Variants in CR1L observed in about 807,000 individuals in gnomAD.
The protein encoded by CR1L is complement C3b/C4b receptor 1 like.
In CR1L, 59 loss-of-function variants were observed where a neutral mutation model predicts 62.3. The observed-to-expected ratio is 0.95, with a 90% CI of 0.77 to 1.18. CR1L has a LOEUF of 1.18. CR1L is among the 50% of genes most tolerant of loss of function. CR1L has a pLI of 0.00. For synonymous variants in CR1L, 279 were observed against 248.7 expected (o/e 1.12, Z -1.15); for missense variants, 700 against 702.8 (o/e 1.00, Z 0.04).
At chr1:207,682,394 T>A (rs1663813110) in intron 3 of CR1L, among the ~76,000 whole-genome samples, 1 of 151,948 alleles carries the variant, frequency 6.6e-6, no homozygotes, top group African/African-American at 2.4e-5. Flanking sequence ...ATCACTTGAA[T>A]CTGGGAGGTG....
chr1:207,698,093 AT>A (rs1162533397), intron 7 of CR1L, among the ~76,000 whole-genome samples: 13 of 152,188 alleles, frequency 8.5e-5, no homozygotes, highest in Admixed American at 5.2e-4. Context: ...TGGGCCATAT[AT>A]TAACTGGCAA....
At chr1:207,670,551 T>G (rs1363241489) in intron 1 of CR1L, among the ~76,000 whole-genome samples, 1 of 150,954 alleles carries the variant, frequency 6.6e-6, no homozygotes, top group Non-Finnish European at 1.5e-5. Flanking sequence ...TCACTTGAAG[T>G]GACAGTTTTG....
rs949605669 is a variant in CR1L at position 207,689,744 on chromosome 1, TTTGTTGTTG to T, written c.464-4600_464-4592del. 2.6e-5 allele frequency among the ~76,000 whole-genome samples: 4 copies of T among 151,784 alleles called. No homozygotes were observed. In the South Asian group the frequency reaches 8.3e-4, roughly 32 times the overall value. On this transcript the variant is annotated intron_variant, in intron 4 of 11. Transcript: ENST00000508064. ...CAATGAAGCAATCTGGACCTGAGGG[TTTGTTGTTG>T]TTGTTGTTAGGTTTTAAATTAGTGA...
At chr1:207,668,939 G>A (rs1391939524) in intron 1 of CR1L, among the ~76,000 whole-genome samples, 1 of 150,824 alleles carries the variant, frequency 6.6e-6, no homozygotes, top group African/African-American at 2.5e-5. Flanking sequence ...ATCTTACAAT[G>A]GCATGACATC....
intron 1 of CR1L, chr1:207,658,341 G>A (rs1175560476): frequency 6.7e-6 from 1 of 150,200 alleles, no homozygotes; most frequent in Non-Finnish European, 1.5e-5. Context: ...GAAACCAACA[G>A]TTGCTACTTG....
chr1:207,718,844 A>C (rs953760142), intron 11 of CR1L, among the ~76,000 whole-genome samples: 1 of 151,086 alleles, frequency 6.6e-6, no homozygotes, highest in Non-Finnish European at 1.5e-5. Flanking sequence ...AATAGCAAAG[A>C]CTTGGAACCA....
At chr1:207,702,046 G>A (rs1372633931) in intron 9 of CR1L, among the ~76,000 whole-genome samples, 1 of 152,152 alleles carries the variant, frequency 6.6e-6, no homozygotes, top group East Asian at 1.9e-4. Flanking sequence ...CTTCACAGAT[G>A]TTATGCTTTT....
intron 1 of CR1L, among the ~76,000 whole-genome samples, chr1:207,645,539 T>C (rs1384976350): frequency 2.0e-5 from 3 of 152,168 alleles, no homozygotes; most frequent in South Asian, 2.1e-4. Context: ...TTTGGTGGCA[T>C]CGTGTGCGCG....
chr1:207,691,578 AT>A (rs1365530151), intron 4 of CR1L, among the ~76,000 whole-genome samples: 5 of 152,018 alleles, frequency 3.3e-5, no homozygotes, highest in African/African-American at 1.2e-4. Flanking sequence ...TTGTGCCTTT[AT>A]TCCTCATTTC....
rs372914610 is a variant in CR1L at position 207,717,619 on chromosome 1, C to T, written c.1570C>T (p.Arg524Cys). Reference protein sequence around the residue: ...FNLIGESTIRRTSEPHGNGVW... With the variant: ...FNLIGESTIRCTSEPHGNGVW... ...CCTCATTGGGGAGAGCACCATCCGCCGCACAAGTGAACCTCATGGGAATGG... is the reference window on the plus strand; with the variant it reads ...CCTCATTGGGGAGAGCACCATCCGCTGCACAAGTGAACCTCATGGGAATGG... Residue 524 changes from arginine (R) to cysteine (C), a missense_variant, in exon 11 of 12, where the codon CGC becomes TGC. Coordinates refer to ENST00000508064, the MANE Select transcript of CR1L (RefSeq NM_175710.2). 31 of 1,613,852 alleles carry T rather than the reference C, an allele frequency of 1.9e-5. No homozygotes were observed. Among genetic ancestry groups the T allele is most frequent in the South Asian group, 4.4e-5 (4 of 91,084 alleles).
At chr1:207,695,392 AG>A (rs1370550978) in intron 5 of CR1L, among the ~76,000 whole-genome samples, 1 of 152,158 alleles carries the variant, frequency 6.6e-6, no homozygotes, top group Non-Finnish European at 1.5e-5. Context: ...GGCCTCCCAA[AG>A]TGCTGAGATT....
intron 1 of CR1L, among the ~76,000 whole-genome samples, chr1:207,647,765 G>A (rs1663153412): frequency 6.6e-6 from 1 of 152,142 alleles, no homozygotes; most frequent in African/African-American, 2.4e-5. Flanking sequence ...GGGCCAGAAA[G>A]GATCTGTCTC....
chr1:207,708,315 T>C, intron 10 of CR1L, 52 bp downstream of exon 10: 1 of 1,592,728 alleles, frequency 6.3e-7, no homozygotes, highest in Admixed American at 1.7e-5. Context: ...CCTAGAGTTG[T>C]CCTCCTAGAA....
intron 4 of CR1L, among the ~76,000 whole-genome samples, chr1:207,689,748 T>C (rs1202564821): frequency 6.6e-6 from 1 of 151,880 alleles, no homozygotes; most frequent in Middle Eastern, 3.2e-3. Context: ...TGAGGGTTTG[T>C]TGTTGTTGTT....
At chr1:207,676,055 G>A (rs1663686888) in intron 1 of CR1L, among the ~76,000 whole-genome samples, 1 of 152,108 alleles carries the variant, frequency 6.6e-6, no homozygotes, top group Non-Finnish European at 1.5e-5. Flanking sequence ...ATGGTAAAAT[G>A]CATGAGTGTA....
chr1:207,723,618 G>T lies in CR1L; in HGVS notation c.1643G>T (p.Gly548Val). 1 of 1,594,662 alleles carries T rather than the reference G, an allele frequency of 6.3e-7. No individual in the cohort carries two copies. The highest frequency in any genetic ancestry group is 8.6e-7 in the Non-Finnish European group (1 of 1,168,932). ...APRCELPVGA[G>V]SHDALIVGKF... is the part of the protein sequence containing the mutation. The stretch of plus-strand genomic sequence containing the variant: ...TTTGTGACTTTTGTCTTCCTTTTAG[G>T]TTCACATGATGCTCTTATAGTTGGT... The change falls in exon 12 of 12, where the codon GGT becomes GTT. Residue 548 changes from glycine to valine, a missense_variant and splice_region_variant. Coordinates refer to ENST00000508064, the MANE Select transcript of CR1L (RefSeq NM_175710.2).
chr1:207,686,972 A>G (rs560508321), intron 4 of CR1L, among the ~76,000 whole-genome samples: 1 of 152,332 alleles, frequency 6.6e-6, no homozygotes, highest in Admixed American at 6.5e-5. Context: ...CTCCACAACT[A>G]TGAGAAATAA....
At chr1:207,668,523 G>A (rs1260604047) in intron 1 of CR1L, among the ~76,000 whole-genome samples, 1 of 150,970 alleles carries the variant, frequency 6.6e-6, no homozygotes, top group Non-Finnish European at 1.5e-5. Context: ...GGTAGGGAGA[G>A]ACAATGGGAG....
intron 10 of CR1L, among the ~76,000 whole-genome samples, chr1:207,716,516 T>C (rs1654004118): frequency 6.6e-6 from 1 of 152,208 alleles, no homozygotes; most frequent in East Asian, 1.9e-4. Context: ...TTTTTTTTCT[T>C]ATTGGAAAAT....
Sources: gnomAD v4.1 joint callset for allele counts (sites outside exome capture counted in the v4.1 genomes callset) on GRCh38, gnomAD v4.1.1 for gene constraint, MANE v1.5 for transcripts, NCBI Gene and HGNC (gene_info 2026-07-23, HGNC 2026-07-21) for gene names.